FRMD4B: variants seen among roughly 807,000 people sequenced by gnomAD.
The protein encoded by FRMD4B is FERM domain containing 4B, also known as FERM domain-containing protein 4B.
FRMD4B carries 74 observed loss-of-function variants against 141.5 expected under a neutral mutation model. The observed-to-expected ratio is 0.52, with a 90% CI of 0.43 to 0.63. The LOEUF is 0.63. Ranked by LOEUF, FRMD4B falls within the 30% of genes least tolerant of loss-of-function variation. The pLI, the probability that FRMD4B is intolerant of heterozygous loss-of-function variation, is 0.00. For synonymous variants in FRMD4B, 506 were observed against 467.9 expected (o/e 1.08, Z -1.05); for missense variants, 1,366 against 1,253.4 (o/e 1.09, Z -1.36).
At chr3:69,224,751 G>A in intron 7 of FRMD4B, 61 bp from the exon 8 acceptor site, 3 of 774,996 alleles carry the variant, frequency 3.9e-6, no homozygotes, top group South Asian at 3.0e-5. Context: ...ATGCAAGCCG[G>A]TCACCAAATG....
At chr3:69,508,665 C>A (rs541949423) in intron 1 of FRMD4B, among the ~76,000 whole-genome samples, 2 of 152,246 alleles carry the variant, frequency 1.3e-5, no homozygotes, top group East Asian at 1.9e-4. Flanking sequence ...GGTAAGCAAC[C>A]AATGGGCCAA....
At chr3:69,187,646 C>T (rs779089503) in intron 19 of FRMD4B, 124 bp downstream of exon 19, 9 of 847,874 alleles carry the variant, frequency 1.1e-5, no homozygotes, top group Non-Finnish European at 1.4e-5. Context: ...CCCAGTTTTA[C>T]AAGATAACAT....
chr3:69,473,996 C>A (rs905462599), intron 1 of FRMD4B, among the ~76,000 whole-genome samples: 1 of 152,160 alleles, frequency 6.6e-6, no homozygotes, highest in African/African-American at 2.4e-5. Context: ...TCTTTTCCAA[C>A]CTTCCCTACA....
chr3:69,480,215 T>C (rs1575585345), intron 1 of FRMD4B, among the ~76,000 whole-genome samples: 1 of 152,274 alleles, frequency 6.6e-6, no homozygotes, highest in East Asian at 1.9e-4. Context: ...CTTGTCAAAG[T>C]CATTCTCCAT....
At chr3:69,372,815 A>T (rs1448946150) in intron 1 of FRMD4B, among the ~76,000 whole-genome samples, 4 of 152,254 alleles carry the variant, frequency 2.6e-5, no homozygotes, top group African/African-American at 4.8e-5. Flanking sequence ...ACATGTATAC[A>T]TACATAAATA....
Position 69,496,093 on chromosome 3 carries a change from C to T in FRMD4B, c.-129+46113G>A, listed in dbSNP as rs183800264. Among the ~76,000 whole-genome samples the T allele has an allele frequency of 6.6e-5, 10 of 152,110 alleles. No individual in the cohort carries two copies. In the East Asian group the frequency reaches 1.7e-3, roughly 26 times the overall value. ...CTCAGTAAACATTAAGTTAATCTTC[C>T]GTATCATCTAATTAACCATTATTTG... On this transcript the variant is annotated intron_variant, in intron 1 of 5. Coordinates refer to the FRMD4B transcript ENST00000459638.
chr3:69,477,092 A>G (rs1706015086), intron 1 of FRMD4B, among the ~76,000 whole-genome samples: 1 of 152,180 alleles, frequency 6.6e-6, no homozygotes, highest in Non-Finnish European at 1.5e-5. Flanking sequence ...TACCAGCTTA[A>G]GGAGATTTTG....
At chr3:69,291,835 T>G (rs1489567791) in intron 4 of FRMD4B, among the ~76,000 whole-genome samples, 4 of 151,930 alleles carry the variant, frequency 2.6e-5, no homozygotes, top group Non-Finnish European at 4.4e-5. Context: ...GTTCTGTTGC[T>G]GGCAACTAAA....
chr3:69,518,217 A>G (rs953059635), intron 1 of FRMD4B, among the ~76,000 whole-genome samples: 1 of 152,216 alleles, frequency 6.6e-6, no homozygotes, highest in African/African-American at 2.4e-5. Flanking sequence ...TACTTAAAGT[A>G]GGTATACTTT....
intron 19 of FRMD4B, among the ~76,000 whole-genome samples, chr3:69,187,499 C>T (rs2092781143): frequency 6.8e-6 from 1 of 147,606 alleles, no homozygotes; most frequent in Non-Finnish European, 1.5e-5. Context: ...GAGTTCACGC[C>T]GTTGCACTCC....
chr3:69,386,115 C>A, upstream of FRMD4B: 2 of 879,474 alleles, frequency 2.3e-6, no homozygotes, highest in Non-Finnish European at 3.3e-6. Context: ...AGCCTGCCAC[C>A]AAACTCGTCT....
At chr3:69,180,450 C>T (rs1348973840) in intron 21 of FRMD4B, among the ~76,000 whole-genome samples, 3 of 151,960 alleles carry the variant, frequency 2.0e-5, no homozygotes, top group Non-Finnish European at 4.4e-5. Flanking sequence ...TTCTGCTTAC[C>T]TGAGGGTTTA....
intron 1 of FRMD4B, among the ~76,000 whole-genome samples, chr3:69,350,916 C>T (rs1703124256): frequency 6.6e-6 from 1 of 151,802 alleles, no homozygotes; most frequent in South Asian, 2.1e-4. Context: ...AGCAACATGG[C>T]ACATGTATAC....
chr3:69,370,465 C>T (rs1703793949), intron 1 of FRMD4B, among the ~76,000 whole-genome samples: 1 of 152,146 alleles, frequency 6.6e-6, no homozygotes, highest in Non-Finnish European at 1.5e-5. Context: ...CCCACTGGCA[C>T]CAGGGTTAGA....
chr3:69,400,956 T>C (rs983559133), intron 2 of FRMD4B, among the ~76,000 whole-genome samples: 2 of 152,228 alleles, frequency 1.3e-5, no homozygotes, highest in African/African-American at 2.4e-5. Flanking sequence ...GTTAACTGAT[T>C]AACTACAGGA....
chr3:69,412,840 CTTTTTTTT>C (rs869150440), intron 2 of FRMD4B, among the ~76,000 whole-genome samples: 1,727 of 54,298 alleles, frequency 0.032, 50 homozygotes, highest in African/African-American at 0.13. Flanking sequence ...AGAAGCTCCA[CTTTTTTTT>C]TTTTTTTTTT....
chr3:69,307,286 A>G (rs751830096), intron 3 of FRMD4B, among the ~76,000 whole-genome samples: 2 of 152,172 alleles, frequency 1.3e-5, no homozygotes, highest in South Asian at 4.1e-4. Flanking sequence ...TGAGAAAGAA[A>G]TCTCAGGGCA....
intron 11 of FRMD4B, among the ~76,000 whole-genome samples, chr3:69,203,083 G>T (rs1293940536): frequency 7.0e-6 from 1 of 143,178 alleles, no homozygotes; most frequent in African/African-American, 2.6e-5. Flanking sequence ...CTAAGATGAA[G>T]TAAAAAAAAA....
At chr3:69,462,249 G>A (rs1218344166) in intron 1 of FRMD4B, among the ~76,000 whole-genome samples, 1 of 152,190 alleles carries the variant, frequency 6.6e-6, no homozygotes, top group African/African-American at 2.4e-5. Context: ...GACTGTGTGA[G>A]CATGCCTCAG....
Sources: gnomAD v4.1 joint callset for allele counts (sites outside exome capture counted in the v4.1 genomes callset) on GRCh38, gnomAD v4.1.1 for gene constraint, MANE v1.5 for transcripts, NCBI Gene and HGNC (gene_info 2026-07-23, HGNC 2026-07-21) for gene names.